The following IL17RD variants were observed in gnomAD, a reference collection of about 807,000 sequenced individuals.
The protein encoded by IL17RD is interleukin 17 receptor D, also known as interleukin-17 receptor D.
A neutral mutation model predicts 80.5 loss-of-function variants in IL17RD; 52 were observed. The observed-to-expected ratio is 0.65, with a 90% CI of 0.52 to 0.81. The LOEUF (loss-of-function observed/expected upper bound fraction) is 0.81. Among genes scored for constraint, IL17RD ranks in the 40% least tolerant of loss-of-function variants. The pLI, the probability that IL17RD is intolerant of heterozygous loss-of-function variation, is 0.00. For missense variants in IL17RD, 1,024 were observed against 955.1 expected (o/e 1.07, Z -0.95); for synonymous variants, 416 against 391.8 (o/e 1.06, Z -0.73).
upstream of IL17RD, among the ~76,000 whole-genome samples, chr3:57,166,255 C>T (rs913180183): frequency 2.0e-5 from 3 of 152,174 alleles, no homozygotes; most frequent in Non-Finnish European, 4.4e-5. Context: ...AAGAATACCA[C>T]CTCCTCTTCC....
At chr3:57,124,474 A>G (rs1439142401) in intron 1 of IL17RD, among the ~76,000 whole-genome samples, 1 of 152,152 alleles carries the variant, frequency 6.6e-6, no homozygotes, top group Non-Finnish European at 1.5e-5. Context: ...CAATGCAATG[A>G]GGAGAGAGAG....
intron 1 of IL17RD, among the ~76,000 whole-genome samples, chr3:57,159,109 T>C (rs537768136): frequency 6.0e-5 from 9 of 150,772 alleles, no homozygotes; most frequent in African/African-American, 2.0e-4. Context: ...TAATTTACAA[T>C]GTCGATATCT....
chr3:57,105,552 A>AAAAAAATATATAT, intron 7 of IL17RD, among the ~76,000 whole-genome samples: 18 of 63,580 alleles, frequency 2.8e-4, no homozygotes, highest in African/African-American at 1.6e-3. Context: ...AAAAAAAAAA[A>AAAAAAATATATAT]ATATATATAT....
chr3:57,165,213 A>G lies in IL17RD; in HGVS notation c.74T>C (p.Val25Ala). The change falls in exon 1 of 13, where the codon GTG (valine) becomes GCG (alanine). Residue 25 changes from valine to alanine, a missense_variant. Physicochemically the swap from Val to Ala is moderately conservative, Grantham distance 64 (BLOSUM62 0). Transcript: ENST00000296318. ...NACLNGSQLA[V>A]AAGGSGRARG... is the part of the protein sequence containing the mutation. Reference sequence around the variant, plus strand: ...CGCGCGGCCGGACCCGCCAGCGGCCACAGCCAGCTGCGAGCCGTTGAGGCA... The same window carrying G: ...CGCGCGGCCGGACCCGCCAGCGGCCGCAGCCAGCTGCGAGCCGTTGAGGCA... The G allele has an allele frequency of 6.5e-7, 1 of 1,531,268 alleles. No homozygotes were observed. The highest frequency in any genetic ancestry group is 8.8e-7 in the Non-Finnish European group (1 of 1,139,574). 94.9% of individuals were successfully genotyped at this position (1,531,268 alleles called of 1,614,324 possible).
rs1488404199 is a variant in IL17RD, at chr3:57,093,402, G to A, written c.*2991C>T. The A allele has an allele frequency of 6.6e-6, 1 of 152,140 alleles. No individual in the cohort carries two copies. 9.4% of individuals were successfully genotyped at this position (152,140 alleles called of 1,614,324 possible). A position where few individuals can be genotyped will look rare whatever the true frequency, so the allele number is the denominator to read the frequency against. The stretch of plus-strand genomic sequence containing the variant: ...GAGAGTTTTCTTTCTTTTGGGAGAA[G>A]GGTGTGTCATTTTTCCTCAAGGAAT... On this transcript the variant is annotated 3_prime_UTR_variant, in exon 13 of 13. Transcript: ENST00000296318.
At chr3:57,161,184 A>G (rs2060302249) in intron 1 of IL17RD, among the ~76,000 whole-genome samples, 1 of 152,208 alleles carries the variant, frequency 6.6e-6, no homozygotes, top group East Asian at 1.9e-4. Flanking sequence ...GGACTGAGTA[A>G]TTTTTTAACC....
chr3:57,131,198 A>G (rs1204380398), intron 1 of IL17RD, among the ~76,000 whole-genome samples: 3 of 114,726 alleles, frequency 2.6e-5, no homozygotes, highest in Non-Finnish European at 4.9e-5. Context: ...GATTCTCCCC[A>G]AGCTGTGGGA....
At chr3:57,156,728 A>G (rs1466396041) in intron 1 of IL17RD, among the ~76,000 whole-genome samples, 2 of 152,176 alleles carry the variant, frequency 1.3e-5, no homozygotes, top group Non-Finnish European at 2.9e-5. Flanking sequence ...ATACACAGGC[A>G]AACTTCAAGG....
chr3:57,109,466 T>C, intron 5 of IL17RD, 71 bp downstream of exon 5: 1 of 1,560,544 alleles, frequency 6.4e-7, no homozygotes, highest in Admixed American at 1.9e-5. Flanking sequence ...TTGAACACAT[T>C]TCTGTAGAAA....
intron 1 of IL17RD, among the ~76,000 whole-genome samples, chr3:57,127,592 G>T (rs1000268762): frequency 6.6e-6 from 1 of 150,742 alleles, no homozygotes; most frequent in African/African-American, 2.4e-5. Flanking sequence ...TTTTAGTAGA[G>T]ACAGGTGTTT....
Position 57,106,000 on chromosome 3 carries a change from G to T in IL17RD, c.604C>A (p.Pro202Thr), listed in dbSNP as rs1476832790. ...DNLACKPFWK[P>T]RNLNISQHGS... ...TGCTGGCTGATGTTCAGGTTCCGAG[G>T]CTTCCAGACTGGAAGAAGGTAGGAC... Residue 202 changes from proline (P) to threonine (T), a missense_variant, in exon 7 of 13, where the codon CCT (proline) becomes ACT (threonine). Coordinates refer to ENST00000296318, the MANE Select transcript of IL17RD (RefSeq NM_017563.5). 1 of 1,613,840 alleles carries T rather than the reference G, an allele frequency of 6.2e-7. No individual in the cohort carries two copies. The highest frequency in any genetic ancestry group is 8.5e-7 in the Non-Finnish European group (1 of 1,179,780).
At chr3:57,115,690 T>C (rs1707201239) in intron 2 of IL17RD, among the ~76,000 whole-genome samples, 1 of 152,172 alleles carries the variant, frequency 6.6e-6, no homozygotes, top group African/African-American at 2.4e-5. Context: ...CCATTCACCA[T>C]CCCCAGCAGG....
chr3:57,120,707 C>T (rs1174097077), intron 1 of IL17RD, among the ~76,000 whole-genome samples: 1 of 152,226 alleles, frequency 6.6e-6, no homozygotes, highest in Admixed American at 6.5e-5. Context: ...CAGACGCCCT[C>T]ATCCGCAAGC....
chr3:57,136,262 G>A (rs1355272663), intron 1 of IL17RD, among the ~76,000 whole-genome samples: 1 of 152,060 alleles, frequency 6.6e-6, no homozygotes, highest in Non-Finnish European at 1.5e-5. Context: ...GGTAAAAAAC[G>A]GTAAATTCCA....
chr3:57,106,030 A>C, intron 6 of IL17RD, 22 bp from the exon 7 acceptor site: 1 of 1,613,676 alleles, frequency 6.2e-7, no homozygotes, highest in Non-Finnish European at 8.5e-7. Flanking sequence ...TAGGACCCAG[A>C]GTGAGCAACC....
intron 1 of IL17RD, among the ~76,000 whole-genome samples, chr3:57,153,190 G>A (rs1225547245): frequency 6.6e-6 from 1 of 152,168 alleles, no homozygotes; most frequent in Non-Finnish European, 1.5e-5. Context: ...GTGAAACACT[G>A]CATTTTTAAA....
At chr3:57,108,058 CT>C (rs112695935) in intron 5 of IL17RD, among the ~76,000 whole-genome samples, 99 of 146,646 alleles carry the variant, frequency 6.8e-4, no homozygotes, top group East Asian at 1.0e-3. Context: ...CTTTTTATTC[CT>C]TTTTTTTTTT....
chr3:57,116,282 CTTTTTTTT>C (rs66563028), intron 2 of IL17RD, among the ~76,000 whole-genome samples: 1 of 102,558 alleles, frequency 9.8e-6, no homozygotes, highest in African/African-American at 3.6e-5. Context: ...TTTTTCTTTT[CTTTTTTTT>C]TTTTTTTTTT....
At chr3:57,150,749 T>A (rs1296796087) in intron 1 of IL17RD, among the ~76,000 whole-genome samples, 2 of 152,152 alleles carry the variant, frequency 1.3e-5, no homozygotes, top group Non-Finnish European at 2.9e-5. Flanking sequence ...ACTCAAAATA[T>A]TTTTTCCTCC....
Sources: allele counts gnomAD v4.1 joint callset (sites outside exome capture counted in the v4.1 genomes callset), GRCh38; gene constraint gnomAD v4.1.1; transcripts MANE v1.5; gene names NCBI Gene and HGNC (gene_info 2026-07-23, HGNC 2026-07-21).